The following ACP7 variants were observed in gnomAD, a reference collection of about 807,000 sequenced individuals.
ACP7 encodes the protein acid phosphatase 7, tartrate resistant (putative).
A neutral mutation model predicts 60.6 loss-of-function variants in ACP7; 58 were observed. That is an observed-to-expected ratio of 0.96 (90% CI 0.77 to 1.19). ACP7 has a LOEUF of 1.19. Ranked by LOEUF, ACP7 falls within the 50% of genes most tolerant of loss-of-function variation. The pLI is 0.00. For synonymous variants in ACP7, 237 were observed against 232.6 expected (o/e 1.02, Z -0.17); for missense variants, 574 against 596.2 (o/e 0.96, Z 0.39).
chr19:39,090,403 A>G (rs761851543), intron 2 of ACP7, among the ~76,000 whole-genome samples: 1 of 152,006 alleles, frequency 6.6e-6, no homozygotes, highest in African/African-American at 2.4e-5. Flanking sequence ...TCCTGAGCTC[A>G]GGCAATCTGC....
chr19:39,101,623 C>A, intron 11 of ACP7, 86 bp downstream of exon 11: 1 of 1,416,982 alleles, frequency 7.1e-7, no homozygotes, highest in Non-Finnish European at 9.7e-7. Flanking sequence ...GTGCTGGGTG[C>A]TTTATATAGT....
chr19:39,101,901 T>C lies in ACP7; in HGVS notation c.1113+364T>C, dbSNP rs184724329. On this transcript the variant is annotated intron_variant, in intron 11 of 12. Transcript: ENST00000331256. ...CTGGAGGATCACTTGAGGCCAGGAGTTGGAGACCAGCCTGGCAAATACAGC... is the reference window on the plus strand; with the variant it reads ...CTGGAGGATCACTTGAGGCCAGGAGCTGGAGACCAGCCTGGCAAATACAGC... 3.9e-3 allele frequency among the ~76,000 whole-genome samples: 578 copies of C among 147,866 alleles called. 2 individuals carry two copies. Among genetic ancestry groups the C allele is most frequent in the Non-Finnish European group, 7.3e-3 (494 of 67,462 alleles).
intron 12 of ACP7, 149 bp downstream of exon 12, chr19:39,107,233 A>G: frequency 1.1e-6 from 1 of 872,946 alleles, no homozygotes; most frequent in Non-Finnish European, 1.5e-6. Flanking sequence ...GGATCGCTTG[A>G]GTCCAGGAGT....
intron 12 of ACP7, 125 bp downstream of exon 12, chr19:39,107,209 G>A: frequency 1.8e-6 from 2 of 1,081,780 alleles, no homozygotes; most frequent in Admixed American, 3.7e-5. Context: ...CAATTTGGTG[G>A]GGCTAAGGTA....
At position 39,098,974 on chromosome 19, in the gene ACP7, A is replaced by T. The variant is rs1166335995; in HGVS notation, c.337A>T (p.Ser113Cys). Residue 113 changes from serine (S) to cysteine (C), a missense_variant, in exon 4 of 13, where the codon AGT becomes TGT. Ser to Cys is a moderately radical substitution (Grantham distance 112). Coordinates refer to ENST00000331256, the MANE Select transcript of ACP7 (RefSeq NM_001004318.3). ...CTCCCATTCAGTTTATCGCTGTGGC[A>T]GTGCGCAGGGCTGGAGCCGTCGGTT... is the stretch of plus-strand genomic sequence containing the variant. ...PGVQYVYRCG[S>C]AQGWSRRFRF... 6.2e-7 allele frequency: 1 copy of T among 1,613,030 alleles called. No individual in the cohort carries two copies.
In ACP7 at chr19:39,088,935, T is replaced by C. The variant is rs940892083; in HGVS notation, c.121+3545T>C. Among the ~76,000 whole-genome samples the C allele has an allele frequency of 6.3e-5, 6 of 95,418 alleles. No individual in the cohort carries two copies. The East Asian group carries it at 2.4e-3, about 39-fold the overall frequency. The allele number at this position is 95,418 out of a possible 152,430, so 62.6% of individuals were successfully genotyped here. A position where few individuals can be genotyped will look rare whatever the true frequency, so the allele number is the denominator to read the frequency against. ...TGATTTTTGTATTTGTATTTTTGCA[T>C]TTTTTTTTTTTTGAGTCGTAGTCTC... On this transcript the variant is annotated intron_variant, in intron 2 of 12. Transcript: ENST00000331256.
intron 2 of ACP7, among the ~76,000 whole-genome samples, chr19:39,093,114 TTC>T (rs1443093323): frequency 1.1e-4 from 14 of 129,132 alleles, no homozygotes; most frequent in African/African-American, 3.2e-4. Context: ...TTCTTTTTCT[TTC>T]TTTCTTTCTT....
rs551657961 is a variant in ACP7, at chr19:39,109,885, T to C, written c.1252-168T>C. On this transcript the variant is annotated intron_variant, in intron 12 of 12. Transcript: ENST00000331256. ...ATCTATGATGTGGGTACTGTTACTC[T>C]TCCTATCACTTTTCAGATGAGGAAA... Among the ~76,000 whole-genome samples the C allele has an allele frequency of 3.1e-4, 47 of 152,266 alleles. No individual in the cohort carries two copies. In the South Asian group the frequency reaches 9.1e-3, roughly 30 times the overall value.
intron 11 of ACP7, among the ~76,000 whole-genome samples, chr19:39,102,715 T>TTTCTCTCTTTCTTTC (rs1555769414): frequency 8.4e-6 from 1 of 118,616 alleles, no homozygotes; most frequent in Non-Finnish European, 1.8e-5. Flanking sequence ...CAATGAAGAC[T>TTTCTCTCTTTCTTTC]TTTCTTTCTT....
rs1479797431 is a variant in ACP7 at position 39,085,186 on chromosome 19, C to A, written c.-84C>A. 1.9e-5 allele frequency: 28 copies of A among 1,502,704 alleles called. No individual in the cohort carries two copies. The highest frequency in any genetic ancestry group is 2.4e-5 in the Non-Finnish European group (27 of 1,116,674). 93.1% of individuals were successfully genotyped at this position (1,502,704 alleles called of 1,614,324 possible). On this transcript the variant is annotated 5_prime_UTR_variant, in exon 2 of 13. Transcript: ENST00000331256. Reference sequence around the variant, plus strand: ...TGATCATCCTCTGTTCCCCATCCTCCCAGCCCTTCCTGCTGTACCTGTGGG... The same window carrying A: ...TGATCATCCTCTGTTCCCCATCCTCACAGCCCTTCCTGCTGTACCTGTGGG...
Position 39,101,321 on chromosome 19 carries a change from C to A in ACP7, c.1007C>A (p.Ser336Ter). ...VDLQLWAHEH[S>*]YERLWPIYNY... ...CTGCAGCTGTGGGCTCATGAGCACT[C>A]GTATGAACGACTGTGGCCAATTTAC... Residue 336 changes from serine to a stop codon, truncating the protein, a stop_gained, in exon 10 of 13, where the codon TCG becomes TAG. Transcript: ENST00000331256. LOFTEE classifies it high-confidence loss of function. 6.2e-7 allele frequency: 1 copy of A among 1,614,164 alleles called. No individual in the cohort carries two copies. The highest frequency in any genetic ancestry group is 8.5e-7 in the Non-Finnish European group (1 of 1,180,050).
intron 11 of ACP7, among the ~76,000 whole-genome samples, chr19:39,106,079 G>A (rs950484220): frequency 2.6e-5 from 4 of 152,256 alleles, no homozygotes; most frequent in African/African-American, 9.6e-5. Flanking sequence ...CTTCAATCCA[G>A]TACTATAATG....
At chr19:39,087,705 C>A (rs1459356842) in intron 2 of ACP7, among the ~76,000 whole-genome samples, 1 of 149,712 alleles carries the variant, frequency 6.7e-6, no homozygotes, top group Admixed American at 6.8e-5. Context: ...ATGATCTTGG[C>A]TCACTGCAAG....
intron 12 of ACP7, 135 bp downstream of exon 12, chr19:39,107,219 A>G: frequency 3.0e-6 from 3 of 984,570 alleles, no homozygotes; most frequent in Admixed American, 7.8e-5. Flanking sequence ...GGGCTAAGGT[A>G]TGAGGATCGC....
chr19:39,097,338 G>C (rs961297847), intron 2 of ACP7, among the ~76,000 whole-genome samples: 1 of 151,026 alleles, frequency 6.6e-6, no homozygotes. Context: ...ATCTCACCGA[G>C]GTTGCAGTGA....
At chr19:39,092,065 T>G (rs2073209834) in intron 2 of ACP7, among the ~76,000 whole-genome samples, 1 of 152,006 alleles carries the variant, frequency 6.6e-6, no homozygotes, top group South Asian at 2.1e-4. Context: ...TACGATATAT[T>G]TATTTGTTTA....
At chr19:39,090,247 GAAC>G (rs2073188951) in intron 2 of ACP7, among the ~76,000 whole-genome samples, 1 of 150,640 alleles carries the variant, frequency 6.6e-6, no homozygotes, top group Non-Finnish European at 1.5e-5. Context: ...CGGCTCACTG[GAAC>G]CTCCACCTCC....
At chr19:39,093,628 G>C (rs546841793) in intron 2 of ACP7, among the ~76,000 whole-genome samples, 3 of 152,176 alleles carry the variant, frequency 2.0e-5, no homozygotes, top group South Asian at 4.1e-4. Flanking sequence ...GCCTCAAAGT[G>C]ATCTACCCAC....
intron 4 of ACP7, 63 bp downstream of exon 4, chr19:39,099,205 C>A (rs2073310875): frequency 7.2e-7 from 1 of 1,395,126 alleles, no homozygotes; most frequent in East Asian, 2.7e-5. Flanking sequence ...TGGTGGGGGG[C>A]GCGCGGGTCG....
Sources: allele counts gnomAD v4.1 joint callset (sites outside exome capture counted in the v4.1 genomes callset), GRCh38; gene constraint gnomAD v4.1.1; transcripts MANE v1.5; gene names NCBI Gene and HGNC (gene_info 2026-07-23, HGNC 2026-07-21).